The following ADCY2 variants were observed in gnomAD, a reference collection of about 807,000 sequenced individuals.
ADCY2 encodes the protein adenylate cyclase 2.
In ADCY2, 31 loss-of-function variants were observed where a neutral mutation model predicts 125.2. The observed-to-expected ratio is 0.25, with a 90% CI of 0.19 to 0.33. ADCY2 has a LOEUF of 0.33. Ranked by LOEUF, ADCY2 falls within the 10% of genes least tolerant of loss-of-function variation. The pLI is 1.00. For missense variants in ADCY2, 904 were observed against 1,418.2 expected, an observed-to-expected ratio of 0.64 and a Z score of 5.82; for synonymous variants, 512 against 548.4, an observed-to-expected ratio of 0.93 and a Z score of 0.93.
chr5:7,717,265 T>A (rs2126376940), intron 12 of ADCY2, 28 bp downstream of exon 12: 1 of 1,509,160 alleles, frequency 6.6e-7, no homozygotes, highest in Non-Finnish European at 9.1e-7. Flanking sequence ...TTAAATTATC[T>A]TTCATCTTTT....
intron 2 of ADCY2, among the ~76,000 whole-genome samples, chr5:7,496,050 C>A (rs1743335598): frequency 6.6e-6 from 1 of 152,122 alleles, no homozygotes; most frequent in South Asian, 2.1e-4. Flanking sequence ...TGTGAATGGC[C>A]TGTTTAAAAT....
intron 15 of ADCY2, among the ~76,000 whole-genome samples, chr5:7,751,844 C>G (rs1742834379): frequency 1.3e-5 from 2 of 152,168 alleles, no homozygotes; most frequent in Non-Finnish European, 2.9e-5. Context: ...TGGACCCACC[C>G]CACAGCCTCA....
intron 2 of ADCY2, among the ~76,000 whole-genome samples, chr5:7,429,397 G>A (rs892426256): frequency 1.3e-5 from 2 of 152,186 alleles, no homozygotes; most frequent in African/African-American, 4.8e-5. Context: ...GATTTGAAAA[G>A]TCCCATTAAA....
intron 2 of ADCY2, among the ~76,000 whole-genome samples, chr5:7,517,071 A>G (rs1221833552): frequency 6.6e-6 from 1 of 152,146 alleles, no homozygotes; most frequent in Non-Finnish European, 1.5e-5. Context: ...CTCTTGGTTG[A>G]TTTGAAACTT....
At chr5:7,790,218 C>G (rs1744212100) in intron 20 of ADCY2, among the ~76,000 whole-genome samples, 1 of 152,080 alleles carries the variant, frequency 6.6e-6, no homozygotes, top group Non-Finnish European at 1.5e-5. Flanking sequence ...ATGCCTCCCA[C>G]ACGCCCCCTG....
chr5:7,791,230 G>T (rs531952506), intron 20 of ADCY2, among the ~76,000 whole-genome samples: 6 of 151,930 alleles, frequency 3.9e-5, no homozygotes, highest in Admixed American at 3.3e-4. Context: ...TAGTGAGTTT[G>T]GGGTCCTGAG....
chr5:7,650,217 G>C (rs112178153), intron 4 of ADCY2, among the ~76,000 whole-genome samples: 1 of 147,764 alleles, frequency 6.8e-6, no homozygotes, highest in African/African-American at 2.5e-5. Context: ...TGCAGGCACA[G>C]ACACACACAC....
chr5:7,567,325 A>G (rs1265441427), intron 3 of ADCY2, among the ~76,000 whole-genome samples: 1 of 152,042 alleles, frequency 6.6e-6, no homozygotes, highest in African/African-American at 2.4e-5. Flanking sequence ...CTGTTGATCC[A>G]AGCACAATAA....
intron 1 of ADCY2, among the ~76,000 whole-genome samples, chr5:7,413,254 C>T (rs896650475): frequency 1.3e-5 from 2 of 152,060 alleles, no homozygotes; most frequent in African/African-American, 4.8e-5. Context: ...CAGACAGTCC[C>T]TTTGTAAGTC....
intron 2 of ADCY2, among the ~76,000 whole-genome samples, chr5:7,517,337 G>A (rs950154529): frequency 9.9e-5 from 15 of 152,180 alleles, no homozygotes; most frequent in African/African-American, 3.1e-4. Context: ...TGGTAACATG[G>A]AAACCCAAGA....
intron 7 of ADCY2, among the ~76,000 whole-genome samples, chr5:7,703,741 GT>G (rs1287185802): frequency 6.6e-6 from 1 of 152,102 alleles, no homozygotes; most frequent in African/African-American, 2.4e-5. Context: ...CTTTAAAGTA[GT>G]TTTTTCCAAT....
chr5:7,419,312 A>G (rs765775470), intron 2 of ADCY2, among the ~76,000 whole-genome samples: 4 of 152,158 alleles, frequency 2.6e-5, no homozygotes, highest in Admixed American at 1.3e-4. Context: ...GGATTGCTAC[A>G]TGGGGAGAAT....
Position 7,709,159 on chromosome 5 carries a change from C to A in ADCY2, c.1402-52C>A, listed in dbSNP as rs1561180465. 1.3e-5 allele frequency: 19 copies of A among 1,484,852 alleles called. No homozygotes were observed. Among genetic ancestry groups the A allele is most frequent in the Non-Finnish European group, 1.6e-5 (18 of 1,113,516 alleles). The allele number at this position is 1,484,852 out of a possible 1,614,324, so 92.0% of individuals were successfully genotyped here. A position where few individuals can be genotyped will look rare whatever the true frequency, so the allele number is the denominator to read the frequency against. On this transcript the variant is annotated intron_variant, in intron 9 of 24. Coordinates refer to ENST00000338316, the MANE Select transcript of ADCY2 (RefSeq NM_020546.3). The surrounding 1 kb of genome is among the most constrained non-coding windows in gnomAD (Gnocchi z 4.4). ...CCAATGAGGTCGATGCCAAAAGGAT[C>A]ATGTGTGGCCCTGTGCTGTGCCAGG... is the stretch of plus-strand genomic sequence containing the variant.
chr5:7,428,563 T>A (rs1451786715), intron 2 of ADCY2, among the ~76,000 whole-genome samples: 3 of 152,214 alleles, frequency 2.0e-5, no homozygotes, highest in Non-Finnish European at 4.4e-5. Context: ...TATTTTTCAA[T>A]AAGCTGGGTT....
At chr5:7,805,478 C>G (rs1204815372) in intron 22 of ADCY2, among the ~76,000 whole-genome samples, 1 of 151,538 alleles carries the variant, frequency 6.6e-6, no homozygotes, top group Non-Finnish European at 1.5e-5. Flanking sequence ...GAGAGAGAGA[C>G]AGCATGTATG....
intron 3 of ADCY2, among the ~76,000 whole-genome samples, chr5:7,560,781 G>A (rs1479529381): frequency 2.0e-5 from 3 of 151,798 alleles, no homozygotes; most frequent in Non-Finnish European, 4.4e-5. Flanking sequence ...CTCCACCTCC[G>A]AGATTCAAGC....
At chr5:7,530,548 G>A (rs564793173) in intron 3 of ADCY2, among the ~76,000 whole-genome samples, 54 of 152,168 alleles carry the variant, frequency 3.5e-4, no homozygotes, top group East Asian at 1.2e-3. Flanking sequence ...ACCCACTGCC[G>A]CGAAGCTGTT....
rs570577902 is a variant in ADCY2 at position 7,578,945 on chromosome 5, T to G, written c.571-47222T>G. 1.9e-3 allele frequency among the ~76,000 whole-genome samples: 283 copies of G among 152,300 alleles called. 2 individuals carry two copies. Among genetic ancestry groups the G allele is most frequent in the African/African-American group, 6.4e-3 (268 of 41,554 alleles). On this transcript the variant is annotated intron_variant, in intron 3 of 24. Coordinates refer to ENST00000338316, the MANE Select transcript of ADCY2 (RefSeq NM_020546.3). Reference sequence around the variant, plus strand: ...GGGTTAGGACTAGGGCAAACAGAGATGGACTCCACGTAAGCCACTCAGACA... The same window carrying G: ...GGGTTAGGACTAGGGCAAACAGAGAGGGACTCCACGTAAGCCACTCAGACA...
intron 3 of ADCY2, among the ~76,000 whole-genome samples, chr5:7,608,043 C>G (rs1369652549): frequency 2.0e-5 from 3 of 152,076 alleles, no homozygotes; most frequent in Non-Finnish European, 4.4e-5. Flanking sequence ...CTTTATCAGA[C>G]TTGGGATGCT....
Sources: gnomAD v4.1 joint callset for allele counts (sites outside exome capture counted in the v4.1 genomes callset) on GRCh38, gnomAD v4.1.1 for gene constraint, Gnocchi (gnomAD v3.1) non-coding constraint, MANE v1.5 for transcripts, NCBI Gene and HGNC (gene_info 2026-07-23, HGNC 2026-07-21) for gene names.